The following PRKAR2B variants were observed in gnomAD, a reference collection of about 807,000 sequenced individuals.
PRKAR2B encodes cAMP-dependent protein kinase type II-beta regulatory subunit.
A neutral mutation model predicts 49.9 loss-of-function variants in PRKAR2B; 14 were observed. The observed-to-expected ratio is 0.28, with a 90% CI of 0.19 to 0.44. The LOEUF (loss-of-function observed/expected upper bound fraction) is 0.44. Among genes scored for constraint, PRKAR2B ranks in the 20% least tolerant of loss-of-function variants. PRKAR2B has a pLI of 1.00. For synonymous variants in PRKAR2B, 196 were observed against 197.7 expected (o/e 0.99, Z 0.07); for missense variants, 393 against 537.9 (o/e 0.73, Z 2.67).
chr7:107,106,441 C>T (rs949743724), intron 2 of PRKAR2B, among the ~76,000 whole-genome samples: 1 of 152,174 alleles, frequency 6.6e-6, no homozygotes, highest in Non-Finnish European at 1.5e-5. Flanking sequence ...ATTTGCAACT[C>T]ATGTCAAGTT....
At chr7:107,138,804 C>T (rs1335379021) in intron 4 of PRKAR2B, among the ~76,000 whole-genome samples, 1 of 152,108 alleles carries the variant, frequency 6.6e-6, no homozygotes, top group Non-Finnish European at 1.5e-5. Context: ...CGACCTCGGC[C>T]TCCTGAGTAG....
At chr7:107,087,319 G>T (rs533912965) in intron 2 of PRKAR2B, among the ~76,000 whole-genome samples, 59 of 151,998 alleles carry the variant, frequency 3.9e-4, no homozygotes, top group Non-Finnish European at 7.2e-4. Context: ...TAGAAACGTG[G>T]TGCTGCATAA....
chr7:107,128,102 A>G, intron 3 of PRKAR2B, 110 bp from the exon 4 acceptor site: 1 of 717,090 alleles, frequency 1.4e-6, no homozygotes. Context: ...CTTGAGCGCT[A>G]ACAGTTCTTC....
chr7:107,049,683 GGCGAGGTGAAGCAGGGAATGA>G (rs2116745061), intron 1 of PRKAR2B, among the ~76,000 whole-genome samples: 1 of 152,092 alleles, frequency 6.6e-6, no homozygotes, highest in Non-Finnish European at 1.5e-5. Context: ...TGCACTTCTT[GGCGAGGTGAAGCAGGGAATGA>G]GCTTATGTGG....
chr7:107,094,256 T>C (rs572578173), intron 2 of PRKAR2B, among the ~76,000 whole-genome samples: 26 of 152,360 alleles, frequency 1.7e-4, no homozygotes, highest in African/African-American at 6.3e-4. Flanking sequence ...ATTTCTCTGA[T>C]GGCCAGTGAT....
At chr7:107,134,611 A>G (rs1795662173) in intron 4 of PRKAR2B, among the ~76,000 whole-genome samples, 1 of 152,216 alleles carries the variant, frequency 6.6e-6, no homozygotes, top group South Asian at 2.1e-4. Flanking sequence ...AAGCTATGGT[A>G]ATCAAAACCA....
At chr7:107,061,934 G>A (rs1382233309) in intron 1 of PRKAR2B, among the ~76,000 whole-genome samples, 4 of 152,100 alleles carry the variant, frequency 2.6e-5, no homozygotes, top group Non-Finnish European at 4.4e-5. Context: ...CAATAAGCAC[G>A]TGGAATAGTG....
intron 2 of PRKAR2B, among the ~76,000 whole-genome samples, chr7:107,083,757 C>T (rs1048597343): frequency 4.6e-5 from 7 of 152,000 alleles, no homozygotes; most frequent in Non-Finnish European, 1.0e-4. Context: ...GGATTACAGG[C>T]GCCCACAACC....
intron 5 of PRKAR2B, among the ~76,000 whole-genome samples, chr7:107,141,243 T>C (rs1359674542): frequency 6.6e-6 from 1 of 152,208 alleles, no homozygotes; most frequent in East Asian, 1.9e-4. Flanking sequence ...TTGAGAGATA[T>C]TATGTAGTAG....
intron 10 of PRKAR2B, among the ~76,000 whole-genome samples, chr7:107,157,819 G>A (rs1187859686): frequency 1.3e-5 from 2 of 152,178 alleles, no homozygotes; most frequent in East Asian, 3.8e-4. Flanking sequence ...AGAGTAGCTT[G>A]GCAGAAATGT....
chr7:107,111,357 C>T (rs1795168749), intron 2 of PRKAR2B, among the ~76,000 whole-genome samples: 3 of 152,204 alleles, frequency 2.0e-5, no homozygotes. Context: ...GGACACAAGC[C>T]TGGCTGACTT....
At chr7:107,081,398 T>A (rs1413615819) in intron 2 of PRKAR2B, among the ~76,000 whole-genome samples, 1 of 151,654 alleles carries the variant, frequency 6.6e-6, no homozygotes, top group Non-Finnish European at 1.5e-5. Context: ...GCAAATGCAG[T>A]CCCTCCCACC....
chr7:107,132,321 C>A (rs1795617923), intron 4 of PRKAR2B, among the ~76,000 whole-genome samples: 1 of 152,194 alleles, frequency 6.6e-6, no homozygotes, highest in Admixed American at 6.5e-5. Context: ...GAATGCTATG[C>A]TGTGGCACTG....
At position 107,121,936 on chromosome 7, in the gene PRKAR2B, A is replaced by AT; in HGVS notation, c.344-11dup. On this transcript the variant is annotated splice_polypyrimidine_tract_variant and intron_variant, in intron 2 of 10. Coordinates refer to ENST00000265717, the MANE Select transcript of PRKAR2B (RefSeq NM_002736.3). ...TGATGAAACAATCTTTAAGATGTTC[A>AT]TTTTTGTTTTTATAGTATGTGCAGA... 6.5e-7 allele frequency: 1 copy of AT among 1,538,922 alleles called. No homozygotes were observed. Among genetic ancestry groups the AT allele is most frequent in the Non-Finnish European group, 8.9e-7 (1 of 1,122,534 alleles).
chr7:107,075,630 G>A (rs1223952881), intron 2 of PRKAR2B, among the ~76,000 whole-genome samples: 1 of 152,008 alleles, frequency 6.6e-6, no homozygotes, highest in Admixed American at 6.6e-5. Flanking sequence ...GAACTCTCGA[G>A]CTCTAGGGAT....
At chr7:107,079,958 A>G (rs1263816831) in intron 2 of PRKAR2B, among the ~76,000 whole-genome samples, 1 of 152,174 alleles carries the variant, frequency 6.6e-6, no homozygotes, top group Non-Finnish European at 1.5e-5. Flanking sequence ...GACCAGTGTG[A>G]ATATAGTTAC....
intron 2 of PRKAR2B, among the ~76,000 whole-genome samples, chr7:107,118,942 C>T (rs950649057): frequency 6.6e-6 from 1 of 152,182 alleles, no homozygotes; most frequent in Non-Finnish European, 1.5e-5. Flanking sequence ...ATGCCAAGAA[C>T]TAAGTCCTTG....
intron 1 of PRKAR2B, 171 bp from the exon 2 acceptor site, chr7:107,070,110 G>T: frequency 2.1e-6 from 1 of 479,308 alleles, no homozygotes; most frequent in Non-Finnish European, 3.7e-6. Flanking sequence ...ATATTTATTT[G>T]ATTATTAATG....
At chr7:107,088,900 G>A (rs1562852689) in intron 2 of PRKAR2B, among the ~76,000 whole-genome samples, 2 of 152,080 alleles carry the variant, frequency 1.3e-5, no homozygotes, top group Non-Finnish European at 2.9e-5. Context: ...GCACCCAGCC[G>A]GAGGTAGGTT....
Sources: allele counts gnomAD v4.1 joint callset (sites outside exome capture counted in the v4.1 genomes callset), GRCh38; gene constraint gnomAD v4.1.1; transcripts MANE v1.5; gene names NCBI Gene and HGNC (gene_info 2026-07-23, HGNC 2026-07-21).